Variants in RIT2 observed in about 807,000 individuals in gnomAD.
The protein encoded by RIT2 is GTP-binding protein Rit2.
A neutral mutation model predicts 23.7 loss-of-function variants in RIT2; 24 were observed. The ratio of observed to expected loss-of-function variants is 1.01; its 90% confidence interval spans 0.73 to 1.43. The LOEUF (loss-of-function observed/expected upper bound fraction) is 1.43, where lower values mean the gene tolerates loss of function less well. Ranked by LOEUF, RIT2 falls within the 40% of genes most tolerant of loss-of-function variation. The pLI is 0.00. For missense variants in RIT2, 236 were observed against 266.9 expected (o/e 0.88, Z 0.81); for synonymous variants, 107 against 91.1 (o/e 1.17, Z -0.99).
At chr18:42,835,982 G>T (rs1013191675) in intron 4 of RIT2, among the ~76,000 whole-genome samples, 7 of 152,022 alleles carry the variant, frequency 4.6e-5, no homozygotes, top group Admixed American at 2.0e-4. Context: ...TTCTACTTTG[G>T]AAAGTGGGAA....
rs547626494 is a variant in RIT2, at chr18:42,981,443, C to T, written c.161-7296G>A. Among the ~76,000 whole-genome samples, 16 of 152,216 alleles carry T rather than the reference C, an allele frequency of 1.1e-4. 1 individual carries two copies. In the South Asian group the frequency reaches 3.3e-3, roughly 32 times the overall value. On this transcript the variant is annotated intron_variant, in intron 2 of 4. Coordinates refer to ENST00000326695, the MANE Select transcript of RIT2 (RefSeq NM_002930.4). ...AGAGGATTCCAATGTACCTCTGATG[C>T]CCATTGAGAAACTATGAGAATATCT...
chr18:42,779,344 G>T (rs796734050), intron 4 of RIT2, among the ~76,000 whole-genome samples: 1 of 152,036 alleles, frequency 6.6e-6, no homozygotes, highest in African/African-American at 2.4e-5. Context: ...CCCTTCCTCT[G>T]TTGGAGAGTA....
chr18:42,931,303 C>A (rs538461614), intron 3 of RIT2, among the ~76,000 whole-genome samples: 28 of 152,204 alleles, frequency 1.8e-4, no homozygotes, highest in African/African-American at 4.8e-4. Context: ...AGTATCAAAT[C>A]CTTAAACTAA....
chr18:43,066,783 T>C (rs1912779601), intron 1 of RIT2, among the ~76,000 whole-genome samples: 1 of 151,550 alleles, frequency 6.6e-6, no homozygotes. Flanking sequence ...AGCATGTGTT[T>C]GGACATGCAA....
intron 2 of RIT2, among the ~76,000 whole-genome samples, chr18:42,994,917 C>A (rs1910944157): frequency 6.6e-6 from 1 of 152,120 alleles, no homozygotes; most frequent in East Asian, 1.9e-4. Context: ...CCCACAATTA[C>A]CATTGTTCCT....
intron 4 of RIT2, among the ~76,000 whole-genome samples, chr18:42,757,690 A>G (rs1913196390): frequency 6.6e-6 from 1 of 152,158 alleles, no homozygotes; most frequent in Non-Finnish European, 1.5e-5. Flanking sequence ...CAGAGTCATC[A>G]CTGCTCTTGT....
intron 3 of RIT2, among the ~76,000 whole-genome samples, chr18:42,927,369 GGTGTGTGT>G (rs60819423): frequency 0.38 from 56,721 of 147,746 alleles, 13,521 homozygotes; most frequent in Non-Finnish European, 0.54. Context: ...ATGTGGATGT[GGTGTGTGT>G]GTGTGTGTGT....
At position 42,808,147 on chromosome 18, in the gene RIT2, G is replaced by A. The variant is rs73951757; in HGVS notation, c.427-64427C>T. Among the ~76,000 whole-genome samples, 795 of 152,282 alleles carry A rather than the reference G, an allele frequency of 5.2e-3. 7 individuals are homozygous for A. The highest frequency in any genetic ancestry group is 0.018 in the African/African-American group (745 of 41,552). On this transcript the variant is annotated intron_variant, in intron 4 of 4. Transcript: ENST00000326695. ...GGTTGTTTTGCTCAATGGAGCAAAA[G>A]CAAAATCATTTAGCATCCATTCTCT...
intron 4 of RIT2, among the ~76,000 whole-genome samples, chr18:42,908,110 A>G (rs901562012): frequency 1.3e-5 from 2 of 152,076 alleles, no homozygotes; most frequent in South Asian, 4.1e-4. Flanking sequence ...AAATTGTGGA[A>G]ATGAAAAACA....
intron 4 of RIT2, among the ~76,000 whole-genome samples, chr18:42,880,135 G>A (rs941130994): frequency 3.3e-5 from 5 of 152,260 alleles, no homozygotes; most frequent in Non-Finnish European, 7.4e-5. Context: ...GTACCTGGGA[G>A]AGGGATAATA....
intron 3 of RIT2, among the ~76,000 whole-genome samples, chr18:42,947,758 A>T (rs1055340258): frequency 1.3e-5 from 2 of 152,098 alleles, no homozygotes; most frequent in Non-Finnish European, 2.9e-5. Flanking sequence ...ACAGATCAGC[A>T]CAGAAAACTG....
At chr18:42,938,505 C>G (rs1015535871) in intron 3 of RIT2, among the ~76,000 whole-genome samples, 1 of 152,152 alleles carries the variant, frequency 6.6e-6, no homozygotes, top group African/African-American at 2.4e-5. Context: ...CCTAAAAACA[C>G]TGTCCTTTAA....
chr18:42,879,350 T>C (rs1486794131), intron 4 of RIT2, among the ~76,000 whole-genome samples: 1 of 152,178 alleles, frequency 6.6e-6, no homozygotes, highest in East Asian at 1.9e-4. Flanking sequence ...ATTTGATATT[T>C]TGAATTCTGA....
rs143291947 is a variant in RIT2 at position 43,034,305 on chromosome 18, G to A, written c.104-438C>T. On this transcript the variant is annotated intron_variant, in intron 1 of 4. Coordinates refer to ENST00000326695, the MANE Select transcript of RIT2 (RefSeq NM_002930.4). ...AATAGATACCCTCTGAAGTTCTTAC[G>A]AACTATAAAGATATGTAATTACATT... 4.6e-3 allele frequency among the ~76,000 whole-genome samples: 697 copies of A among 152,054 alleles called. 14 individuals carry two copies. Among genetic ancestry groups the A allele is most frequent in the Admixed American group, 0.035 (542 of 15,278 alleles).
At chr18:43,032,816 C>T (rs1328184227) in intron 2 of RIT2, among the ~76,000 whole-genome samples, 4 of 151,984 alleles carry the variant, frequency 2.6e-5, no homozygotes, top group Non-Finnish European at 4.4e-5. Flanking sequence ...TATTCTGGGG[C>T]CTTTTGGGAA....
intron 3 of RIT2, among the ~76,000 whole-genome samples, chr18:42,934,039 G>GAAAAAAAAAAAAAAAAAAAAAAAAAA (rs5824459): frequency 7.6e-6 from 1 of 130,758 alleles, no homozygotes. Context: ...AAAAAAAAAA[G>GAAAAAAAAAAAAAAAAAAAAAAAAAA]AAAAAAAAAA....
intron 4 of RIT2, among the ~76,000 whole-genome samples, chr18:42,802,792 T>G (rs1452969051): frequency 6.6e-6 from 1 of 152,220 alleles, no homozygotes; most frequent in Non-Finnish European, 1.5e-5. Context: ...TTCTCTATAT[T>G]GGGTGTCCTA....
At chr18:42,853,751 T>C (rs1907115364) in intron 4 of RIT2, among the ~76,000 whole-genome samples, 1 of 152,202 alleles carries the variant, frequency 6.6e-6, no homozygotes. Flanking sequence ...TTTCAGTAAT[T>C]GTATGGATTT....
Position 42,776,395 on chromosome 18 carries a change from T to C in RIT2, c.427-32675A>G, listed in dbSNP as rs143271434. Among the ~76,000 whole-genome samples, 89 of 152,294 alleles carry C rather than the reference T, an allele frequency of 5.8e-4. 1 individual carries two copies. In the East Asian group the frequency reaches 0.015, roughly 26 times the overall value. On this transcript the variant is annotated intron_variant, in intron 4 of 4. Coordinates refer to ENST00000326695, the MANE Select transcript of RIT2 (RefSeq NM_002930.4). The stretch of plus-strand genomic sequence containing the variant: ...ATTCACTCCATGGAACTCATAGACT[T>C]ACACATAAAAGGGTAATATTATTAT...
Sources: gnomAD v4.1 joint callset for allele counts (sites outside exome capture counted in the v4.1 genomes callset) on GRCh38, gnomAD v4.1.1 for gene constraint, MANE v1.5 for transcripts, NCBI Gene and HGNC (gene_info 2026-07-23, HGNC 2026-07-21) for gene names.